The following SMAD9 variants were observed in gnomAD, a reference collection of about 807,000 sequenced individuals.
SMAD9 encodes SMAD family member 9, also known as MAD homolog 9.
SMAD9 carries 36 observed loss-of-function variants against 46.1 expected under a neutral mutation model. The observed-to-expected ratio is 0.78, with a 90% CI of 0.60 to 1.03. The LOEUF (loss-of-function observed/expected upper bound fraction) is 1.03. Among genes scored for constraint, SMAD9 ranks in the 50% least tolerant of loss-of-function variants. The pLI is 0.00. For missense variants in SMAD9, 572 were observed against 599.8 expected (o/e 0.95, Z 0.48); for synonymous variants, 245 against 237.1 (o/e 1.03, Z -0.31).
At chr13:36,864,312 C>G (rs1015315482) in intron 5 of SMAD9, among the ~76,000 whole-genome samples, 1 of 152,198 alleles carries the variant, frequency 6.6e-6, no homozygotes, top group Non-Finnish European at 1.5e-5. Flanking sequence ...TTCTCCAGCT[C>G]TCTGTGTCAG....
chr13:36,876,753 T>TA (rs1167098897), intron 2 of SMAD9, among the ~76,000 whole-genome samples: 2 of 152,160 alleles, frequency 1.3e-5, no homozygotes, highest in African/African-American at 2.4e-5. Context: ...AATGGATGGC[T>TA]AAAAAATGAG....
chr13:36,919,568 A>G (rs1344342806), intron 1 of SMAD9, among the ~76,000 whole-genome samples: 4 of 151,804 alleles, frequency 2.6e-5, no homozygotes, highest in Non-Finnish European at 5.9e-5. Flanking sequence ...GCCCCCAAAG[A>G]GTCACAATGA....
At chr13:36,867,178 A>G in intron 4 of SMAD9, 95 bp downstream of exon 4, 1 of 823,940 alleles carries the variant, frequency 1.2e-6, no homozygotes, top group Non-Finnish European at 2.0e-6. Context: ...GCAGGCCAGT[A>G]CATTTCTGGT....
At chr13:36,884,865 G>C (rs988507876) in intron 1 of SMAD9, among the ~76,000 whole-genome samples, 27 of 152,320 alleles carry the variant, frequency 1.8e-4, no homozygotes, top group Admixed American at 1.6e-3. Flanking sequence ...CTGCTTTTGG[G>C]TCAATGTGGC....
In SMAD9 at chr13:36,848,627, T is replaced by C; in HGVS notation, c.*49A>G. The C allele has an allele frequency of 6.4e-7, 1 of 1,571,746 alleles. No homozygotes were observed. Among genetic ancestry groups the C allele is most frequent in the Non-Finnish European group, 8.8e-7 (1 of 1,141,428 alleles). On this transcript the variant is annotated 3_prime_UTR_variant, in exon 7 of 7. Coordinates refer to ENST00000379826, the MANE Select transcript of SMAD9 (RefSeq NM_001127217.3). ...GCAAATCTGAAATGATACAAGCCAC[T>C]CCCTGCAATAGCCTCTATCCTATGG... is the stretch of plus-strand genomic sequence containing the variant.
intron 1 of SMAD9, among the ~76,000 whole-genome samples, chr13:36,900,720 CACACACAT>C (rs1389594689): frequency 1.8e-4 from 25 of 136,690 alleles, no homozygotes; most frequent in East Asian, 4.0e-4. Context: ...CACACACACA[CACACACAT>C]AAATGTAAAT....
Position 36,861,992 on chromosome 13 carries a change from CA to C in SMAD9, c.1003+3544del, listed in dbSNP as rs543843655. 1.2e-4 allele frequency among the ~76,000 whole-genome samples: 18 copies of C among 152,036 alleles called. No individual in the cohort carries two copies. The South Asian group carries it at 3.8e-3, about 32-fold the overall frequency. On this transcript the variant is annotated intron_variant, in intron 5 of 6. Transcript: ENST00000379826. ...GTCTAATTAATCTCAATAGAACAGC[CA>C]GGCAATCTTTTCGAAAGTGTAAAGT...
At chr13:36,912,425 ATAC>A (rs964757198) in intron 1 of SMAD9, among the ~76,000 whole-genome samples, 2 of 152,168 alleles carry the variant, frequency 1.3e-5, no homozygotes, top group African/African-American at 4.8e-5. Flanking sequence ...CCTTTCCTCT[ATAC>A]TACTATTGAG....
chr13:36,881,185 T>G (rs552360014), intron 1 of SMAD9, among the ~76,000 whole-genome samples: 7 of 152,358 alleles, frequency 4.6e-5, no homozygotes, highest in African/African-American at 1.7e-4. Context: ...GAGGTCGAAC[T>G]GTATTTCCTC....
chr13:36,887,198 A>G (rs896008036), intron 1 of SMAD9, among the ~76,000 whole-genome samples: 9 of 148,468 alleles, frequency 6.1e-5, no homozygotes, highest in African/African-American at 2.2e-4. Flanking sequence ...AAAGAAGTTA[A>G]ATGATCTGAC....
rs114282500 is a variant in SMAD9, at chr13:36,881,030, T to C, written c.-186-1155A>G. ...ATGAGAACTGCTTTTCTAGAAATTA[T>C]ACACTATCACACACCAATACATACA... On this transcript the variant is annotated intron_variant, in intron 1 of 6. Transcript: ENST00000379826. Among the ~76,000 whole-genome samples, 347 of 152,350 alleles carry C rather than the reference T, an allele frequency of 2.3e-3. 2 individuals carry two copies. Among genetic ancestry groups the C allele is most frequent in the African/African-American group, 8.0e-3 (334 of 41,588 alleles).
At chr13:36,915,349 G>T (rs893856250) in intron 1 of SMAD9, among the ~76,000 whole-genome samples, 6 of 152,196 alleles carry the variant, frequency 3.9e-5, no homozygotes, top group Non-Finnish European at 5.9e-5. Context: ...ACTGAAGATT[G>T]CTTTTCGCAA....
At chr13:36,867,625 T>A (rs1199634173) in intron 3 of SMAD9, among the ~76,000 whole-genome samples, 1 of 152,226 alleles carries the variant, frequency 6.6e-6, no homozygotes, top group African/African-American at 2.4e-5. Context: ...TTTTGAGTTA[T>A]CATTGAGTTC....
intron 1 of SMAD9, among the ~76,000 whole-genome samples, chr13:36,893,782 C>T (rs2138590732): frequency 6.6e-6 from 1 of 151,988 alleles, no homozygotes; most frequent in East Asian, 1.9e-4. Flanking sequence ...ACAATAAAAA[C>T]ACAGAATTCA....
chr13:36,867,043 TTAAAA>T (rs754807453), intron 4 of SMAD9, among the ~76,000 whole-genome samples: 1 of 152,170 alleles, frequency 6.6e-6, no homozygotes, highest in Non-Finnish European at 1.5e-5. Flanking sequence ...AAATGCTGAG[TTAAAA>T]TAAAAAGTTA....
At chr13:36,858,412 G>A (rs1003091063) in intron 5 of SMAD9, among the ~76,000 whole-genome samples, 1 of 152,160 alleles carries the variant, frequency 6.6e-6, no homozygotes, top group African/African-American at 2.4e-5. Context: ...TTTCTCTTGA[G>A]GAAGAGGCAC....
At chr13:36,867,097 T>C (rs2058242141) in intron 4 of SMAD9, among the ~76,000 whole-genome samples, 176 bp downstream of exon 4, 1 of 152,248 alleles carries the variant, frequency 6.6e-6, no homozygotes, top group East Asian at 1.9e-4. Flanking sequence ...ACATTAATTC[T>C]ATTGTACTGA....
At chr13:36,866,606 GTTA>G (rs1481326825) in intron 4 of SMAD9, among the ~76,000 whole-genome samples, 2 of 152,044 alleles carry the variant, frequency 1.3e-5, no homozygotes, top group Admixed American at 6.6e-5. Flanking sequence ...AAATTTGGGG[GTTA>G]TTATTTCTCT....
At chr13:36,905,391 T>A (rs1056042250) in intron 1 of SMAD9, among the ~76,000 whole-genome samples, 1 of 152,166 alleles carries the variant, frequency 6.6e-6, no homozygotes, top group Non-Finnish European at 1.5e-5. Flanking sequence ...TTAGTTACAG[T>A]TACTGCCAGA....
Sources: gnomAD v4.1 joint callset for allele counts (sites outside exome capture counted in the v4.1 genomes callset) on GRCh38, gnomAD v4.1.1 for gene constraint, MANE v1.5 for transcripts, NCBI Gene and HGNC (gene_info 2026-07-23, HGNC 2026-07-21) for gene names.